ZNF682: variants seen among roughly 807,000 people sequenced by gnomAD.
The protein encoded by ZNF682 is zinc finger protein 682.
A neutral mutation model predicts 36.5 loss-of-function variants in ZNF682; 29 were observed. That is an observed-to-expected ratio of 0.80 (90% CI 0.59 to 1.08). The LOEUF (loss-of-function observed/expected upper bound fraction) is 1.08, where lower values mean the gene tolerates loss of function less well. Ranked by LOEUF, ZNF682 falls within the 50% of genes least tolerant of loss-of-function variation. The pLI, the probability that ZNF682 is intolerant of heterozygous loss-of-function variation, is 0.00. For missense variants in ZNF682, 561 were observed against 579.7 expected, an observed-to-expected ratio of 0.97 and a Z score of 0.33; for synonymous variants, 180 against 197.0, an observed-to-expected ratio of 0.91 and a Z score of 0.72.
chr19:20,035,114 A>G (rs1458284880), intron 1 of ZNF682, among the ~76,000 whole-genome samples: 1 of 152,230 alleles, frequency 6.6e-6, no homozygotes, highest in East Asian at 1.9e-4. Context: ...ATATATACAT[A>G]TAGACACTAA....
At chr19:20,028,520 A>T (rs1377121476) in intron 1 of ZNF682, among the ~76,000 whole-genome samples, 1 of 152,118 alleles carries the variant, frequency 6.6e-6, no homozygotes, top group African/African-American at 2.4e-5. Flanking sequence ...TCAATTCTGC[A>T]GGCTTGAAAG....
chr19:20,012,073 C>G (rs1568540105), intron 3 of ZNF682, among the ~76,000 whole-genome samples: 1 of 151,718 alleles, frequency 6.6e-6, no homozygotes, highest in Non-Finnish European at 1.5e-5. Flanking sequence ...TGTAACAAAA[C>G]CTTGGAATGT....
intron 3 of ZNF682, among the ~76,000 whole-genome samples, chr19:20,019,043 ACT>A (rs1156709812): frequency 6.6e-6 from 1 of 152,192 alleles, no homozygotes; most frequent in East Asian, 1.9e-4. Context: ...AATGTCTAAA[ACT>A]CAACAAAAAG....
downstream of ZNF682, chr19:19,996,923 T>C (rs1012398367): frequency 2.1e-5 from 6 of 286,334 alleles, no homozygotes; most frequent in African/African-American, 1.1e-4. Context: ...TAGAAAGCCC[T>C]GTGCTCTCCT....
At chr19:20,031,438 G>A (rs771548561) in intron 1 of ZNF682, among the ~76,000 whole-genome samples, 1 of 152,172 alleles carries the variant, frequency 6.6e-6, no homozygotes. Flanking sequence ...CTAAAATGTC[G>A]ATGTTGACCT....
intron 3 of ZNF682, among the ~76,000 whole-genome samples, chr19:20,020,950 G>A (rs987306342): frequency 1.5e-5 from 1 of 66,308 alleles, no homozygotes; most frequent in Non-Finnish European, 3.0e-5. Flanking sequence ...TATACTTCCA[G>A]TCCTGAAATG....
intron 3 of ZNF682, among the ~76,000 whole-genome samples, chr19:20,019,686 C>A (rs2088367203): frequency 6.6e-6 from 1 of 152,032 alleles, no homozygotes; most frequent in Admixed American, 6.6e-5. Flanking sequence ...AGATATTTTT[C>A]CAGTGAAGAC....
intron 1 of ZNF682, among the ~76,000 whole-genome samples, chr19:20,026,357 T>C (rs1362976658): frequency 6.6e-6 from 1 of 152,096 alleles, no homozygotes; most frequent in Non-Finnish European, 1.5e-5. Flanking sequence ...AGATGGAACC[T>C]AAACAATACA....
At chr19:20,009,188 C>T (rs1039168880) in intron 3 of ZNF682, among the ~76,000 whole-genome samples, 2 of 152,024 alleles carry the variant, frequency 1.3e-5, no homozygotes, top group African/African-American at 4.8e-5. Flanking sequence ...CCAAACACAA[C>T]TTTAAAAGTT....
intron 1 of ZNF682, among the ~76,000 whole-genome samples, chr19:20,026,796 A>C (rs1039226292): frequency 1.3e-5 from 2 of 152,212 alleles, no homozygotes; most frequent in African/African-American, 2.4e-5. Flanking sequence ...CTTACAGGTC[A>C]TACACTCGAT....
intron 1 of ZNF682, among the ~76,000 whole-genome samples, chr19:20,035,459 C>T (rs2088520065): frequency 6.6e-6 from 1 of 151,694 alleles, no homozygotes; most frequent in African/African-American, 2.4e-5. Flanking sequence ...CTCCTGACCT[C>T]GTGATCCACC....
intron 1 of ZNF682, among the ~76,000 whole-genome samples, chr19:20,025,057 G>A (rs2088419619): frequency 6.6e-6 from 1 of 152,180 alleles, no homozygotes; most frequent in Non-Finnish European, 1.5e-5. Context: ...TCTGATCCAG[G>A]TGATCTCAGG....
At position 20,039,450 on chromosome 19, in the gene ZNF682, G is replaced by T; in HGVS notation, c.-105C>A. ...ACAGTCACCGGGAACTACTAGAGCA[G>T]AGGATACTAAGCAATGAAGATGGAC... On this transcript the variant is annotated 5_prime_UTR_variant, in exon 1 of 4. The change creates a new upstream start codon in the 5' untranslated region. Transcript: ENST00000397165. 1 of 1,493,374 alleles carries T rather than the reference G, an allele frequency of 6.7e-7. No individual in the cohort carries two copies. The highest frequency in any genetic ancestry group is 9.2e-7 in the Non-Finnish European group (1 of 1,090,050). The allele number at this position is 1,493,374 out of a possible 1,614,324, so 92.5% of individuals were successfully genotyped here. A position where few individuals can be genotyped will look rare whatever the true frequency, so the allele number is the denominator to read the frequency against.
intron 1 of ZNF682, among the ~76,000 whole-genome samples, chr19:20,035,559 A>T (rs1228098308): frequency 6.6e-6 from 1 of 152,124 alleles, no homozygotes; most frequent in Non-Finnish European, 1.5e-5. Context: ...ATATCTTAGG[A>T]TAAACAATTT....
chr19:20,031,874 A>G (rs2088482949), intron 1 of ZNF682, among the ~76,000 whole-genome samples: 1 of 152,144 alleles, frequency 6.6e-6, no homozygotes, highest in Admixed American at 6.6e-5. Flanking sequence ...AAAGGGGAAT[A>G]GAAAAGTGGG....
intron 2 of ZNF682, 112 bp downstream of exon 2, chr19:20,024,138 A>G (rs773035008): frequency 1.7e-4 from 215 of 1,268,548 alleles, no homozygotes; most frequent in Non-Finnish European, 2.2e-4. Context: ...CCTTGAAAGC[A>G]GAGATCTAAA....
At chr19:20,009,185 C>T (rs1366792748) in intron 3 of ZNF682, among the ~76,000 whole-genome samples, 1 of 152,094 alleles carries the variant, frequency 6.6e-6, no homozygotes, top group Non-Finnish European at 1.5e-5. Flanking sequence ...GAACCAAACA[C>T]AACTTTAAAA....
intron 1 of ZNF682, among the ~76,000 whole-genome samples, chr19:20,036,011 C>T (rs1340542748): frequency 6.6e-6 from 1 of 152,186 alleles, no homozygotes; most frequent in Non-Finnish European, 1.5e-5. Context: ...GCTGGGATTA[C>T]AGGTGTGAAC....
chr19:19,995,854 A>T (rs986518039), downstream of ZNF682, among the ~76,000 whole-genome samples: 5 of 152,170 alleles, frequency 3.3e-5, no homozygotes, highest in Non-Finnish European at 5.9e-5. Flanking sequence ...TCTCAGTCAT[A>T]ATCAAAATTA....
Sources: gnomAD v4.1 joint callset for allele counts (sites outside exome capture counted in the v4.1 genomes callset) on GRCh38, gnomAD v4.1.1 for gene constraint, MANE v1.5 for transcripts, NCBI Gene and HGNC (gene_info 2026-07-23, HGNC 2026-07-21) for gene names.